F13B: variants seen among roughly 807,000 people sequenced by gnomAD.
The protein encoded by F13B is TGase.
F13B carries 58 observed loss-of-function variants against 79.8 expected under a neutral mutation model. The observed-to-expected ratio is 0.73, with a 90% CI of 0.59 to 0.90. The LOEUF (loss-of-function observed/expected upper bound fraction) is 0.90. Among genes scored for constraint, F13B ranks in the 40% least tolerant of loss-of-function variants. F13B has a pLI of 0.00. For synonymous variants in F13B, 283 were observed against 260.3 expected (o/e 1.09, Z -0.84); for missense variants, 773 against 777.0 (o/e 0.99, Z 0.06).
chr1:197,056,775 A>G (rs929565128), intron 7 of F13B, among the ~76,000 whole-genome samples: 5 of 152,208 alleles, frequency 3.3e-5, no homozygotes, highest in Non-Finnish European at 7.3e-5. Flanking sequence ...GCTTAGCACT[A>G]GCGTTCAAAA....
chr1:197,060,805 G>T, intron 4 of F13B, 94 bp downstream of exon 4: 2 of 1,191,166 alleles, frequency 1.7e-6, no homozygotes, highest in Non-Finnish European at 2.5e-6. Context: ...TGCATGAAAA[G>T]GTGAAACATA....
Position 197,052,697 on chromosome 1 carries a change from A to C in F13B, c.1492T>G (p.Leu498Val). ...TTGCACTGCACAGATAATTCAGACA[A>C]TGGGGTTAATGGAGATAAGTCATAT... Reference protein sequence around the residue: ...QGYDLSPLTPLSELSVQCNRG... With the variant: ...QGYDLSPLTPVSELSVQCNRG... Residue 498 changes from leucine to valine, a missense_variant, in exon 9 of 12, where the codon TTG (leucine) becomes GTG (valine). By Grantham distance (32) the Leu-to-Val change is conservative. Coordinates refer to ENST00000367412, the MANE Select transcript of F13B (RefSeq NM_001994.3). 6.2e-7 allele frequency: 1 copy of C among 1,612,114 alleles called. No homozygotes were observed. The highest frequency in any genetic ancestry group is 1.7e-4 in the Middle Eastern group (1 of 5,900).
At chr1:197,048,887 C>T (rs1292994154) in intron 10 of F13B, among the ~76,000 whole-genome samples, 3 of 151,980 alleles carry the variant, frequency 2.0e-5, no homozygotes, top group African/African-American at 7.2e-5. Context: ...AAGCAAATAT[C>T]AACAAATTTT....
chr1:197,048,004 G>A (rs1655297125), intron 10 of F13B, among the ~76,000 whole-genome samples: 2 of 152,066 alleles, frequency 1.3e-5, no homozygotes, highest in South Asian at 4.1e-4. Flanking sequence ...GGGTCTGGGG[G>A]AGGGATAGCT....
At chr1:197,050,536 C>A (rs1160041577) in intron 10 of F13B, among the ~76,000 whole-genome samples, 161 bp downstream of exon 10, 2 of 151,870 alleles carry the variant, frequency 1.3e-5, no homozygotes, top group East Asian at 3.9e-4. Context: ...TATTTATGAT[C>A]TAGAGGAAAG....
chr1:197,042,200 C>T (rs1353267658), intron 10 of F13B, among the ~76,000 whole-genome samples: 1 of 152,112 alleles, frequency 6.6e-6, no homozygotes, highest in East Asian at 1.9e-4. Context: ...ATGTGTCAAA[C>T]ATTATGCTGG....
At chr1:197,064,191 C>T (rs1331628077) in intron 1 of F13B, among the ~76,000 whole-genome samples, 4 of 152,028 alleles carry the variant, frequency 2.6e-5, no homozygotes, top group South Asian at 2.1e-4. Context: ...AACTGGAACT[C>T]GCATATTTCT....
intron 8 of F13B, among the ~76,000 whole-genome samples, chr1:197,055,374 G>C (rs1346344350): frequency 1.3e-5 from 2 of 151,888 alleles, no homozygotes; most frequent in East Asian, 3.9e-4. Context: ...GACATTCTGA[G>C]GGCAATACAA....
At position 197,040,502 on chromosome 1, in the gene F13B, A is replaced by G. The variant is rs1434557051; in HGVS notation, c.1952+20T>C. 13 of 1,017,634 alleles carry G rather than the reference A, an allele frequency of 1.3e-5. No individual in the cohort carries two copies. The highest frequency in any genetic ancestry group is 1.7e-5 in the Non-Finnish European group (12 of 710,072). The allele number at this position is 1,017,634 out of a possible 1,614,324, so 63.0% of individuals were successfully genotyped here. The stretch of plus-strand genomic sequence containing the variant: ...TCTGACCAAAAAAAATAATCTGACC[A>G]AAAAAAAAAAACTTCTTACCTTTGT... On this transcript the variant is annotated intron_variant, in intron 11 of 11. Coordinates refer to ENST00000367412, the MANE Select transcript of F13B (RefSeq NM_001994.3).
At chr1:197,044,095 G>C (rs1424482947) in intron 10 of F13B, among the ~76,000 whole-genome samples, 1 of 151,568 alleles carries the variant, frequency 6.6e-6, no homozygotes, top group Non-Finnish European at 1.5e-5. Context: ...AGAGAGAGAG[G>C]GAGAGATTTG....
chr1:197,047,765 A>G (rs539268578), intron 10 of F13B, among the ~76,000 whole-genome samples: 16 of 152,300 alleles, frequency 1.1e-4, no homozygotes, highest in South Asian at 1.0e-3. Flanking sequence ...GATAGACTGG[A>G]TTAAGAAAAT....
chr1:197,057,250 T>G (rs939105097), intron 6 of F13B, 36 bp downstream of exon 6: 1 of 1,613,908 alleles, frequency 6.2e-7, no homozygotes. Context: ...ACATGCAGAT[T>G]TCATTTTAGC....
At chr1:197,058,258 T>A (rs928157301) in intron 5 of F13B, among the ~76,000 whole-genome samples, 1 of 152,192 alleles carries the variant, frequency 6.6e-6, no homozygotes, top group African/African-American at 2.4e-5. Context: ...ATTAATAGCA[T>A]GTAGCAGATC....
chr1:197,045,054 C>T (rs1655177972), intron 10 of F13B, among the ~76,000 whole-genome samples: 1 of 152,094 alleles, frequency 6.6e-6, no homozygotes, highest in Admixed American at 6.5e-5. Flanking sequence ...CAAGAGAATG[C>T]AGGAAAGATC....
rs770292850 is a variant in F13B, at chr1:197,040,643, A to T, written c.1831T>A (p.Tyr611Asn). The change falls in exon 11 of 12, where the codon TAT becomes AAT. Residue 611 changes from tyrosine to asparagine, a missense_variant. Coordinates refer to ENST00000367412, the MANE Select transcript of F13B (RefSeq NM_001994.3). The part of the protein sequence containing the change: ...DNRPHILHGE[Y>N]IEFICRGDTY... ...TCTCCTCTACAAATAAACTCAATAT[A>T]TTCACCATGCAAAATGTGTGGTCTA... The T allele has an allele frequency of 6.2e-7, 1 of 1,612,878 alleles. No individual in the cohort carries two copies. The highest frequency in any genetic ancestry group is 8.5e-7 in the Non-Finnish European group (1 of 1,179,104).
At chr1:197,056,299 A>G (rs569321983) in intron 7 of F13B, among the ~76,000 whole-genome samples, 3 of 152,160 alleles carry the variant, frequency 2.0e-5, no homozygotes, top group Non-Finnish European at 4.4e-5. Flanking sequence ...TGAAGGAAAT[A>G]TCAATTTTTT....
intron 9 of F13B, 100 bp downstream of exon 9, chr1:197,052,534 T>C: frequency 1.3e-6 from 1 of 767,144 alleles, no homozygotes; most frequent in Non-Finnish European, 2.1e-6. Flanking sequence ...TTAAAAAGAA[T>C]AATAATAAGA....
In F13B at chr1:197,049,028, G is replaced by A. The variant is rs17514704; in HGVS notation, c.1738+1669C>T. Among the ~76,000 whole-genome samples the A allele has an allele frequency of 7.2e-3, 1,092 of 151,962 alleles. 14 individuals carry two copies. The highest frequency in any genetic ancestry group is 0.023 in the African/African-American group (942 of 41,510). On this transcript the variant is annotated intron_variant, in intron 10 of 11. Transcript: ENST00000367412. Reference sequence around the variant, plus strand: ...ACTTCTAAATGATTCAGAGCACAGAGAATATATCAAAATGAATACTATAAA... The same window carrying A: ...ACTTCTAAATGATTCAGAGCACAGAAAATATATCAAAATGAATACTATAAA...
intron 2 of F13B, 46 bp from the exon 3 acceptor site, chr1:197,062,015 T>C: frequency 4.0e-6 from 6 of 1,507,272 alleles, no homozygotes; most frequent in Non-Finnish European, 5.5e-6. Flanking sequence ...ACTAAGCTTG[T>C]CTTTTACTAA....
Sources: gnomAD v4.1 joint callset for allele counts (sites outside exome capture counted in the v4.1 genomes callset) on GRCh38, gnomAD v4.1.1 for gene constraint, MANE v1.5 for transcripts, NCBI Gene and HGNC (gene_info 2026-07-23, HGNC 2026-07-21) for gene names.